Variants in CTNND2 observed in about 807,000 individuals in gnomAD.
CTNND2 encodes the protein catenin delta 2.
Under a neutral mutation model 144.4 loss-of-function variants are expected in CTNND2, and 22 were observed. The ratio of observed to expected loss-of-function variants is 0.15; its 90% confidence interval spans 0.11 to 0.22. The LOEUF (loss-of-function observed/expected upper bound fraction) is 0.22. Among genes scored for constraint, CTNND2 ranks in the 10% least tolerant of loss-of-function variants. CTNND2 has a pLI of 1.00. For synonymous variants in CTNND2, 751 were observed against 695.6 expected (o/e 1.08, Z -1.25); for missense variants, 1,353 against 1,618.8 (o/e 0.84, Z 2.82).
chr5:11,134,932 G>C (rs1755981733), intron 12 of CTNND2, among the ~76,000 whole-genome samples: 1 of 152,218 alleles, frequency 6.6e-6, no homozygotes, highest in African/African-American at 2.4e-5. Context: ...ATGACACTTT[G>C]AGGAGCCACA....
Position 11,397,068 on chromosome 5 carries a change from C to T in CTNND2, c.575G>A (p.Gly192Asp). ...ETTPSQLPARGTQARATGQSF... is the reference protein window; with the variant it reads ...ETTPSQLPARDTQARATGQSF... ...CTGGCCCGTAGCTCGGGCTTGTGTG[C>T]CTCGGGCCGGGAGCTGTGAAGGGGT... Residue 192 changes from glycine to aspartate, a missense_variant, in exon 6 of 22, where the codon GGC becomes GAC. Around this residue, in one of 4 missense-constraint regions of CTNND2, gnomAD observed 708 missense variants for 706.4 expected, o/e 1.00. Transcript: ENST00000304623. The T allele has an allele frequency of 1.2e-6, 2 of 1,613,886 alleles. No homozygotes were observed. The highest frequency in any genetic ancestry group is 2.2e-5 in the South Asian group (2 of 91,068).
chr5:11,741,161 A>C (rs576245007), intron 1 of CTNND2, among the ~76,000 whole-genome samples: 17 of 152,270 alleles, frequency 1.1e-4, no homozygotes, highest in African/African-American at 4.1e-4. Context: ...ACAGTGTGGC[A>C]ATTCCTCAAG....
chr5:11,598,405 G>T (rs1561606094), intron 2 of CTNND2, among the ~76,000 whole-genome samples: 1 of 152,072 alleles, frequency 6.6e-6, no homozygotes, highest in Non-Finnish European at 1.5e-5. Flanking sequence ...GACTCCAGGG[G>T]GGTCTCCTAC....
At chr5:11,390,788 A>G (rs1343726884) in intron 6 of CTNND2, among the ~76,000 whole-genome samples, 2 of 152,146 alleles carry the variant, frequency 1.3e-5, no homozygotes, top group African/African-American at 2.4e-5. Context: ...CTGCTCCCCC[A>G]TTCACTGTAT....
At chr5:11,173,591 A>T (rs755772792) in intron 11 of CTNND2, among the ~76,000 whole-genome samples, 1 of 152,160 alleles carries the variant, frequency 6.6e-6, no homozygotes, top group Non-Finnish European at 1.5e-5. Context: ...AGTGGGAGGG[A>T]TACCATTAAG....
At chr5:11,249,552 T>C (rs1461464538) in intron 9 of CTNND2, among the ~76,000 whole-genome samples, 1 of 152,182 alleles carries the variant, frequency 6.6e-6, no homozygotes, top group Non-Finnish European at 1.5e-5. Context: ...TGGCCAAGAA[T>C]GAGCAGTCAT....
chr5:11,091,350 T>C (rs1054199046), intron 15 of CTNND2, among the ~76,000 whole-genome samples: 2 of 152,252 alleles, frequency 1.3e-5, no homozygotes, highest in East Asian at 3.8e-4. Context: ...GAGTCTTTTA[T>C]ACATTTTCCA....
chr5:11,287,071 C>T (rs184267005), intron 9 of CTNND2, among the ~76,000 whole-genome samples: 37 of 152,234 alleles, frequency 2.4e-4, no homozygotes, highest in African/African-American at 6.7e-4. Context: ...AGCATATTTC[C>T]GGTATCTCTG....
At chr5:11,772,422 G>A (rs916875998) in intron 1 of CTNND2, among the ~76,000 whole-genome samples, 1 of 152,134 alleles carries the variant, frequency 6.6e-6, no homozygotes, top group Non-Finnish European at 1.5e-5. Context: ...GTTCTAACAT[G>A]GGGTCCATAG....
chr5:11,077,711 G>C (rs541062363), intron 16 of CTNND2, among the ~76,000 whole-genome samples: 4 of 152,268 alleles, frequency 2.6e-5, no homozygotes, highest in African/African-American at 9.6e-5. Flanking sequence ...GGTGAAGGAA[G>C]CACAGGGAGA....
At chr5:11,642,078 T>C (rs1486995986) in intron 2 of CTNND2, among the ~76,000 whole-genome samples, 1 of 152,132 alleles carries the variant, frequency 6.6e-6, no homozygotes, top group African/African-American at 2.4e-5. Context: ...CAACATTGTT[T>C]CTTAAAAGTG....
intron 1 of CTNND2, among the ~76,000 whole-genome samples, chr5:11,832,796 T>C (rs1793977791): frequency 6.6e-6 from 1 of 151,938 alleles, no homozygotes; most frequent in South Asian, 2.1e-4. Flanking sequence ...GGAAAATTAG[T>C]GGGTCATGGT....
Position 11,845,697 on chromosome 5 carries a change from T to C in CTNND2, c.37+58120A>G, listed in dbSNP as rs997604380. Among the ~76,000 whole-genome samples, 5 of 152,228 alleles carry C rather than the reference T, an allele frequency of 3.3e-5. 1 individual carries two copies. The highest frequency in any genetic ancestry group is 2.6e-4 in the Admixed American group (4 of 15,286). On this transcript the variant is annotated intron_variant, in intron 1 of 21. Coordinates refer to ENST00000304623, the MANE Select transcript of CTNND2 (RefSeq NM_001332.4). ...AATCCACTCAGTTTGCGATGCTTTG[T>C]TACAGAAGGGCTAGCACACTAATAC...
intron 1 of CTNND2, among the ~76,000 whole-genome samples, chr5:11,800,191 T>C (rs1791603843): frequency 6.6e-6 from 1 of 152,200 alleles, no homozygotes; most frequent in African/African-American, 2.4e-5. Flanking sequence ...GAATGGAATT[T>C]AAACCTTCAA....
At chr5:11,737,267 A>G (rs1424351721) in intron 1 of CTNND2, among the ~76,000 whole-genome samples, 1 of 152,202 alleles carries the variant, frequency 6.6e-6, no homozygotes, top group Non-Finnish European at 1.5e-5. Flanking sequence ...AACCTGATAT[A>G]GAAAAATGCA....
intron 16 of CTNND2, among the ~76,000 whole-genome samples, chr5:11,030,062 C>T (rs1308286291): frequency 6.6e-6 from 1 of 151,874 alleles, no homozygotes; most frequent in Admixed American, 6.6e-5. Context: ...GGCACCATGA[C>T]TATATCAACC....
intron 6 of CTNND2, among the ~76,000 whole-genome samples, chr5:11,389,801 G>T (rs1759464571): frequency 6.6e-6 from 1 of 152,092 alleles, no homozygotes. Context: ...GCACTGACAT[G>T]AATGTCACAG....
At chr5:11,320,595 T>C (rs1202835555) in intron 9 of CTNND2, among the ~76,000 whole-genome samples, 1 of 152,152 alleles carries the variant, frequency 6.6e-6, no homozygotes, top group Admixed American at 6.5e-5. Flanking sequence ...CTCACAACCA[T>C]GGTGGAAGGC....
At chr5:10,978,683 C>G (rs946806138) in intron 21 of CTNND2, among the ~76,000 whole-genome samples, 1 of 152,210 alleles carries the variant, frequency 6.6e-6, no homozygotes, top group Admixed American at 6.5e-5. Context: ...ACGAGAGATG[C>G]GGAGCTTGCT....
Sources: gnomAD v4.1 joint callset for allele counts (sites outside exome capture counted in the v4.1 genomes callset) on GRCh38, gnomAD v4.1.1 for gene constraint, gnomAD v4.1.1 regional missense constraint, MANE v1.5 for transcripts, NCBI Gene and HGNC (gene_info 2026-07-23, HGNC 2026-07-21) for gene names.